PATJ: variants seen among roughly 807,000 people sequenced by gnomAD.
The protein encoded by PATJ is inaD-like protein.
PATJ carries 190 observed loss-of-function variants against 224.9 expected under a neutral mutation model. The observed-to-expected ratio is 0.84, with a 90% CI of 0.75 to 0.95. The LOEUF (loss-of-function observed/expected upper bound fraction) is 0.95, where lower values mean the gene tolerates loss of function less well. PATJ is among the 40% of genes least tolerant of loss of function. The probability of loss-of-function intolerance (pLI) is 0.00; values close to 1 mark genes in which losing one functional copy is unlikely to be tolerated. For synonymous variants in PATJ, 769 were observed against 820.3 expected, an observed-to-expected ratio of 0.94 and a Z score of 1.07; for missense variants, 2,121 against 2,270.3, an observed-to-expected ratio of 0.93 and a Z score of 1.34.
chr1:62,151,173 T>G (rs1400929286), intron 42 of PATJ, among the ~76,000 whole-genome samples: 3 of 151,838 alleles, frequency 2.0e-5, no homozygotes, highest in Non-Finnish European at 4.4e-5. Flanking sequence ...GAAAAAGAAA[T>G]CAGTTAACAA....
intron 28 of PATJ, chr1:61,991,769 A>G: frequency 1.0e-6 from 1 of 980,354 alleles, no homozygotes; most frequent in Non-Finnish European, 1.2e-6. Flanking sequence ...GACCTTATGT[A>G]ACCAATATTA....
chr1:62,152,617 C>T (rs1219657801), intron 42 of PATJ, among the ~76,000 whole-genome samples: 5 of 151,854 alleles, frequency 3.3e-5, no homozygotes, highest in African/African-American at 1.2e-4. Context: ...TGCCACTGCA[C>T]TCCAGCCTGG....
In PATJ at chr1:61,822,952, C is replaced by G. The variant is rs1657579408; in HGVS notation, c.1691C>G (p.Pro564Arg). 2 of 1,613,924 alleles carry G rather than the reference C, an allele frequency of 1.2e-6. No homozygotes were observed. Among genetic ancestry groups the G allele is most frequent in the East Asian group, 4.5e-5 (2 of 44,890 alleles). The change falls in exon 15 of 44, where the codon CCT (proline) becomes CGT (arginine). Residue 564 changes from proline (P) to arginine (R), a missense_variant. Pro to Arg is a moderately radical substitution (Grantham distance 103). Coordinates refer to ENST00000642238, the MANE Select transcript of PATJ (RefSeq NM_001350145.3). The part of the protein sequence containing the change: ...AELQKYSKLL[P>R]IHTLRLGVEV... ...CTTTGTGTTTTGCTACAGCTGCTGC[C>G]TATTCACACTCTGAGGCTTGGTGTG...
chr1:61,998,053 A>AAT (rs1558015201), intron 28 of PATJ, among the ~76,000 whole-genome samples: 1 of 133,920 alleles, frequency 7.5e-6, no homozygotes, highest in Non-Finnish European at 1.5e-5. Context: ...TATATATATT[A>AAT]TATATAATAA....
At chr1:61,755,322 AAG>A (rs200367726) in intron 1 of PATJ, among the ~76,000 whole-genome samples, 3,841 of 151,614 alleles carry the variant, frequency 0.025, 144 homozygotes, top group African/African-American at 0.086. Context: ...AAAAAAAAAA[AAG>A]AGTTTAGGAA....
At chr1:61,906,283 ATCTTGTTGTTCAAGG>A (rs1671846146) in intron 24 of PATJ, among the ~76,000 whole-genome samples, 1 of 152,068 alleles carries the variant, frequency 6.6e-6, no homozygotes, top group African/African-American at 2.4e-5. Context: ...AGCTCATCAA[ATCTTGTTGTTCAAGG>A]GTTTTTACAG....
At chr1:62,140,558 C>A (rs1667398039) in intron 41 of PATJ, among the ~76,000 whole-genome samples, 1 of 151,948 alleles carries the variant, frequency 6.6e-6, no homozygotes, top group African/African-American at 2.4e-5. Flanking sequence ...GAGGCTGAGG[C>A]ACTAGAATCA....
intron 10 of PATJ, among the ~76,000 whole-genome samples, chr1:61,796,710 C>CTTTT (rs1266308607): frequency 1.1e-5 from 1 of 89,428 alleles, no homozygotes; most frequent in Non-Finnish European, 2.1e-5. Flanking sequence ...TTCTTTCTTT[C>CTTTT]TTTCTTTCTT....
At chr1:62,103,759 A>C (rs1016438464) in intron 33 of PATJ, among the ~76,000 whole-genome samples, 15 of 135,002 alleles carry the variant, frequency 1.1e-4, no homozygotes, top group African/African-American at 3.5e-4. Context: ...GTCTCAACCC[A>C]AAAAAAAAAA....
intron 22 of PATJ, among the ~76,000 whole-genome samples, chr1:61,895,522 G>C (rs963552317): frequency 2.0e-5 from 3 of 152,270 alleles, no homozygotes; most frequent in South Asian, 4.1e-4. Context: ...TTGCTTCAGA[G>C]GGTGCAAGCC....
At chr1:62,001,135 AG>A (rs1645743029) in intron 28 of PATJ, among the ~76,000 whole-genome samples, 1 of 150,944 alleles carries the variant, frequency 6.6e-6, no homozygotes, top group Non-Finnish European at 1.5e-5. Flanking sequence ...CCCATTTTGT[AG>A]GTTGCCTGTT....
intron 35 of PATJ, among the ~76,000 whole-genome samples, chr1:62,115,285 G>A (rs1350877568): frequency 2.6e-5 from 4 of 152,002 alleles, no homozygotes; most frequent in Non-Finnish European, 4.4e-5. Flanking sequence ...ATTCCAGCCT[G>A]TGCAACAAGA....
intron 34 of PATJ, among the ~76,000 whole-genome samples, chr1:62,109,625 G>A (rs1663550821): frequency 6.6e-6 from 1 of 152,172 alleles, no homozygotes; most frequent in East Asian, 1.9e-4. Flanking sequence ...TCAGGAGTTT[G>A]GGGTTTCTTT....
chr1:61,758,640 C>T (rs1474247562), intron 1 of PATJ, among the ~76,000 whole-genome samples: 1 of 152,200 alleles, frequency 6.6e-6, no homozygotes, highest in African/African-American at 2.4e-5. Flanking sequence ...AGCCACCACG[C>T]CCGGCCCTAC....
chr1:61,887,459 T>TG (rs1669048899), intron 22 of PATJ, among the ~76,000 whole-genome samples: 1 of 152,184 alleles, frequency 6.6e-6, no homozygotes, highest in Non-Finnish European at 1.5e-5. Context: ...GGAAAGGTGT[T>TG]GGAGCAGAGA....
chr1:61,904,593 C>T (rs1671617819), intron 24 of PATJ, among the ~76,000 whole-genome samples: 1 of 152,238 alleles, frequency 6.6e-6, no homozygotes, highest in African/African-American at 2.4e-5. Context: ...TGTATTAGTC[C>T]ATTCTCAACT....
At chr1:61,849,406 C>T (rs897530246) in intron 17 of PATJ, among the ~76,000 whole-genome samples, 3 of 152,030 alleles carry the variant, frequency 2.0e-5, no homozygotes, top group African/African-American at 7.3e-5. Flanking sequence ...ATCTGCTGAG[C>T]AACACAGGGA....
At chr1:61,837,203 T>C (rs536326735) in intron 17 of PATJ, among the ~76,000 whole-genome samples, 10 of 151,706 alleles carry the variant, frequency 6.6e-5, no homozygotes, top group Non-Finnish European at 1.0e-4. Flanking sequence ...ATAGGAAATG[T>C]TATGTTATTA....
intron 17 of PATJ, chr1:61,852,671 GT>G (rs1420463853): frequency 6.6e-6 from 1 of 152,206 alleles, no homozygotes; most frequent in Non-Finnish European, 1.5e-5. Context: ...TATAACATTT[GT>G]TTGCTATAAC....
Sources: allele counts gnomAD v4.1 joint callset (sites outside exome capture counted in the v4.1 genomes callset), GRCh38; gene constraint gnomAD v4.1.1; transcripts MANE v1.5; gene names NCBI Gene and HGNC (gene_info 2026-07-23, HGNC 2026-07-21).